ACO1: variants seen among roughly 807,000 people sequenced by gnomAD.
ACO1 encodes cytoplasmic aconitate hydratase.
In ACO1, 78 loss-of-function variants were observed where a neutral mutation model predicts 105.1. The observed-to-expected ratio is 0.74, with a 90% CI of 0.62 to 0.90. The LOEUF (loss-of-function observed/expected upper bound fraction) is 0.90, where lower values mean the gene tolerates loss of function less well. Among genes scored for constraint, ACO1 ranks in the 40% least tolerant of loss-of-function variants. The pLI is 0.00. For missense variants in ACO1, 965 were observed against 1,111.1 expected (o/e 0.87, Z 1.87); for synonymous variants, 364 against 397.4 (o/e 0.92, Z 1.00).
rs368519878 is a variant in ACO1, at chr9:32,418,531, T to C, written c.658+20T>C. ...GTTGGGGTGAGTGTTCTTCCATATA[T>C]GCTGTTTTGGGGCATGCACTTTAAT... On this transcript the variant is annotated intron_variant, in intron 6 of 20. Coordinates refer to ENST00000309951, the MANE Select transcript of ACO1 (RefSeq NM_002197.3). 6.2e-7 allele frequency: 1 copy of C among 1,602,990 alleles called. No individual in the cohort carries two copies. Among genetic ancestry groups the C allele is most frequent in the African/African-American group, 1.3e-5 (1 of 74,788 alleles).
intron 13 of ACO1, among the ~76,000 whole-genome samples, chr9:32,430,155 C>T (rs1257194237): frequency 6.6e-6 from 1 of 152,198 alleles, no homozygotes; most frequent in African/African-American, 2.4e-5. Context: ...CCCCAGGCAG[C>T]AATAACTAGT....
At chr9:32,449,740 T>C (rs536952604) in intron 20 of ACO1, among the ~76,000 whole-genome samples, 2 of 152,320 alleles carry the variant, frequency 1.3e-5, no homozygotes, top group Non-Finnish European at 2.9e-5. Context: ...AGTTCTTAGA[T>C]GGCTCTCACC....
At chr9:32,448,030 C>G (rs541926885) in intron 19 of ACO1, among the ~76,000 whole-genome samples, 47 of 152,248 alleles carry the variant, frequency 3.1e-4, no homozygotes, top group Middle Eastern at 3.4e-3. Context: ...GTCGGGGACC[C>G]ACTTGAGGAG....
In ACO1 at chr9:32,430,526, T is replaced by C. The variant is rs1822203813; in HGVS notation, c.1678T>C (p.Tyr560His). ...AGCCTCTCCCCCCTTAGTAATAGCA[T>C]ATGCAATTGCTGGAACCATCAGAAT... The part of the protein sequence containing the change: ...YLASPPLVIA[Y>H]AIAGTIRIDF... Residue 560 changes from tyrosine to histidine, a missense_variant, in exon 14 of 21, where the codon TAT (tyrosine) becomes CAT (histidine). By Grantham distance (83) the Tyr-to-His change is moderately conservative (BLOSUM62 2). Coordinates refer to ENST00000309951, the MANE Select transcript of ACO1 (RefSeq NM_002197.3). 6.2e-7 allele frequency: 1 copy of C among 1,609,652 alleles called. No individual in the cohort carries two copies. Among genetic ancestry groups the C allele is most frequent in the South Asian group, 1.1e-5 (1 of 89,864 alleles).
intron 8 of ACO1, 44 bp downstream of exon 8, chr9:32,421,071 C>T: frequency 6.3e-7 from 1 of 1,585,620 alleles, no homozygotes; most frequent in Non-Finnish European, 8.6e-7. Context: ...TGTAAAAGTT[C>T]CATGAAACAC....
intron 3 of ACO1, among the ~76,000 whole-genome samples, chr9:32,407,781 C>T (rs181181153): frequency 6.6e-6 from 1 of 152,210 alleles, no homozygotes; most frequent in African/African-American, 2.4e-5. Context: ...CATTGTATTG[C>T]CCAGGAAACC....
chr9:32,452,947 C>A lies in ACO1; in HGVS notation c.*2836C>A. ...CCAGCCTGGGCAATAGAGTGAGACC[C>A]TATCAATCAATCACCACCCCCCCCC... On this transcript the variant is annotated 3_prime_UTR_variant, in exon 21 of 21. Transcript: ENST00000309951. The A allele has an allele frequency of 6.8e-6, 1 of 147,154 alleles. No homozygotes were observed. The highest frequency in any genetic ancestry group is 2.0e-4 in the East Asian group (1 of 4,958). 9.1% of individuals were successfully genotyped at this position (147,154 alleles called of 1,614,324 possible).
intron 1 of ACO1, among the ~76,000 whole-genome samples, chr9:32,396,722 G>A (rs1022467949): frequency 6.6e-6 from 1 of 152,076 alleles, no homozygotes; most frequent in Non-Finnish European, 1.5e-5. Context: ...TATTTGTTTA[G>A]TCTGTCTCCT....
intron 1 of ACO1, among the ~76,000 whole-genome samples, chr9:32,387,345 C>T (rs537538851): frequency 4.6e-5 from 7 of 152,308 alleles, no homozygotes; most frequent in Non-Finnish European, 8.8e-5. Context: ...CATATCTCTT[C>T]CTAACTCCGT....
At chr9:32,428,516 CAAA>C (rs921668107) in intron 12 of ACO1, among the ~76,000 whole-genome samples, 1 of 150,812 alleles carries the variant, frequency 6.6e-6, no homozygotes, top group African/African-American at 2.4e-5. Flanking sequence ...TTTTAATAAA[CAAA>C]AAGAGTACAC....
At chr9:32,386,477 G>A (rs41272903) in intron 1 of ACO1, 33,512 of 151,974 alleles carry the variant, frequency 0.22, 4,052 homozygotes, top group East Asian at 0.46. Flanking sequence ...CCTTAGCTTC[G>A]TGCCTTGTCA....
intron 17 of ACO1, 25 bp downstream of exon 17, chr9:32,434,726 A>G (rs570432400): frequency 6.2e-7 from 1 of 1,611,994 alleles, no homozygotes; most frequent in Non-Finnish European, 8.5e-7. Context: ...GGCAGGAAGG[A>G]CTAAAGGCAA....
intron 1 of ACO1, among the ~76,000 whole-genome samples, chr9:32,395,469 C>A (rs900953966): frequency 4.3e-5 from 4 of 93,160 alleles, no homozygotes; most frequent in African/African-American, 1.3e-4. Context: ...GAGTGAGACC[C>A]TGTCTCAAAA....
chr9:32,408,592 C>T lies in ACO1; in HGVS notation c.345C>T (p.Asn115=). 1.2e-6 allele frequency: 2 copies of T among 1,614,150 alleles called. No individual in the cohort carries two copies. The highest frequency in any genetic ancestry group is 1.7e-6 in the Non-Finnish European group (2 of 1,180,012). ...TAGGAGGAGATCCAGAGAAAATAAA[C>T]CCTGTCTGCCCTGCTGATCTTGTAA... is the stretch of plus-strand genomic sequence containing the variant. ...KKLGGDPEKI[N]PVCPADLVID... Residue 115 remains asparagine (N), a synonymous_variant, in exon 4 of 21, where the codon AAC becomes AAT. Coordinates refer to ENST00000309951, the MANE Select transcript of ACO1 (RefSeq NM_002197.3).
intron 19 of ACO1, among the ~76,000 whole-genome samples, chr9:32,447,762 C>T (rs1822652487): frequency 6.6e-6 from 1 of 152,140 alleles, no homozygotes. Flanking sequence ...GAGTGGATGT[C>T]CTTTTGGTTG....
chr9:32,429,434 C>G lies in ACO1; in HGVS notation c.1500C>G (p.Gly500=). The change falls in exon 13 of 21, where the codon GGC becomes GGG. Residue 500 remains glycine, a synonymous_variant. Transcript: ENST00000309951. ...YLSQLGFDVV[G]YGCMTCIGNS... Reference sequence around the variant, plus strand: ...TGGTGTCTAGGTTTGACGTGGTGGGCTATGGCTGCATGACCTGCATTGGCA... The same window carrying G: ...TGGTGTCTAGGTTTGACGTGGTGGGGTATGGCTGCATGACCTGCATTGGCA... 6.2e-7 allele frequency: 1 copy of G among 1,614,144 alleles called. No homozygotes were observed. The highest frequency in any genetic ancestry group is 8.5e-7 in the Non-Finnish European group (1 of 1,180,016).
At chr9:32,408,391 C>A in intron 3 of ACO1, 123 bp from the exon 4 acceptor site, 1 of 1,103,744 alleles carries the variant, frequency 9.1e-7, no homozygotes, top group Non-Finnish European at 1.3e-6. Flanking sequence ...CTAAGTCTCA[C>A]CCATTGTTAG....
intron 1 of ACO1, among the ~76,000 whole-genome samples, chr9:32,388,106 C>T (rs1454297067): frequency 6.6e-6 from 1 of 152,192 alleles, no homozygotes; most frequent in African/African-American, 2.4e-5. Flanking sequence ...CTCCCTGGAG[C>T]CATCTCAGAT....
intron 19 of ACO1, among the ~76,000 whole-genome samples, chr9:32,447,427 GTTC>G (rs1822641374): frequency 6.6e-6 from 1 of 152,138 alleles, no homozygotes; most frequent in Non-Finnish European, 1.5e-5. Context: ...GGTCATTTAT[GTTC>G]TTCTCTAAAT....
Sources: allele counts gnomAD v4.1 joint callset (sites outside exome capture counted in the v4.1 genomes callset), GRCh38; gene constraint gnomAD v4.1.1; transcripts MANE v1.5; gene names NCBI Gene and HGNC (gene_info 2026-07-23, HGNC 2026-07-21).